CELF4: variants seen among roughly 807,000 people sequenced by gnomAD.
CELF4 encodes the protein CUG-BP- and ETR-3-like factor 4.
CELF4 carries 18 observed loss-of-function variants against 59.9 expected under a neutral mutation model. That is an observed-to-expected ratio of 0.30 (90% CI 0.21 to 0.45). The LOEUF is 0.45. CELF4 is among the 20% of genes least tolerant of loss of function. The pLI, the probability that CELF4 is intolerant of heterozygous loss-of-function variation, is 1.00. For synonymous variants in CELF4, 261 were observed against 267.1 expected, an observed-to-expected ratio of 0.98 and a Z score of 0.22; for missense variants, 456 against 689.0, an observed-to-expected ratio of 0.66 and a Z score of 3.79.
At chr18:37,473,889 C>T (rs906438972) in intron 2 of CELF4, 2 of 152,294 alleles carry the variant, frequency 1.3e-5, no homozygotes, top group African/African-American at 4.8e-5. Context: ...TATCCTCTTT[C>T]CCAGACTTCC....
At chr18:37,323,888 C>T (rs143001138) in intron 2 of CELF4, among the ~76,000 whole-genome samples, 347 of 152,284 alleles carry the variant, frequency 2.3e-3, no homozygotes, top group African/African-American at 7.6e-3. Flanking sequence ...ACCAACACAA[C>T]GGCCTTTAGC....
intron 2 of CELF4, among the ~76,000 whole-genome samples, chr18:37,394,192 A>C (rs1379290304): frequency 1.3e-5 from 2 of 152,058 alleles, no homozygotes; most frequent in African/African-American, 4.8e-5. Flanking sequence ...ATGGCCAGAG[A>C]GATGGCTCGG....
intron 1 of CELF4, among the ~76,000 whole-genome samples, chr18:37,539,856 T>C (rs2099976529): frequency 1.3e-5 from 2 of 152,222 alleles, no homozygotes; most frequent in Non-Finnish European, 2.9e-5. Context: ...AGCTACCAAA[T>C]TGGTCATGCT....
intron 2 of CELF4, among the ~76,000 whole-genome samples, chr18:37,352,255 G>A (rs1181499986): frequency 6.6e-6 from 1 of 152,180 alleles, no homozygotes; most frequent in Non-Finnish European, 1.5e-5. Context: ...CCAAGCAAGG[G>A]GACTATGATG....
At chr18:37,432,619 C>A (rs2099673532) in intron 2 of CELF4, among the ~76,000 whole-genome samples, 1 of 152,186 alleles carries the variant, frequency 6.6e-6, no homozygotes, top group African/African-American at 2.4e-5. Context: ...CATATTCTCA[C>A]TCATGTGGTT....
intron 2 of CELF4, among the ~76,000 whole-genome samples, chr18:37,384,319 T>C (rs963065347): frequency 6.6e-6 from 1 of 152,214 alleles, no homozygotes; most frequent in East Asian, 1.9e-4. Context: ...AGTCGGGTTG[T>C]GCTAATTTGC....
chr18:37,395,497 G>T (rs1389658800), intron 2 of CELF4, among the ~76,000 whole-genome samples: 7 of 152,200 alleles, frequency 4.6e-5, no homozygotes, highest in African/African-American at 1.7e-4. Context: ...GGGAACCACA[G>T]TATCTTGGTG....
chr18:37,557,997 C>CT (rs34181233), intron 1 of CELF4, among the ~76,000 whole-genome samples: 27,186 of 100,668 alleles, frequency 0.27, 4,751 homozygotes, highest in South Asian at 0.42. Context: ...ATCCCTTTTA[C>CT]TTTTTTTTTT....
At chr18:37,337,936 G>A (rs922477345) in intron 2 of CELF4, among the ~76,000 whole-genome samples, 4 of 152,186 alleles carry the variant, frequency 2.6e-5, no homozygotes, top group African/African-American at 9.7e-5. Flanking sequence ...CCCCATGTTT[G>A]CAACAAACAT....
At chr18:37,517,836 C>T (rs751049000) in intron 1 of CELF4, among the ~76,000 whole-genome samples, 3 of 152,164 alleles carry the variant, frequency 2.0e-5, no homozygotes, top group Non-Finnish European at 2.9e-5. Context: ...ACCTTCCATC[C>T]TAGGTTTAGG....
intron 2 of CELF4, among the ~76,000 whole-genome samples, chr18:37,368,611 C>G (rs2098818626): frequency 6.6e-6 from 1 of 152,254 alleles, no homozygotes. Context: ...TCCTCCTTCT[C>G]TGTGTTGGCA....
At chr18:37,377,097 T>G in intron 2 of CELF4, among the ~76,000 whole-genome samples, 1 of 148,340 alleles carries the variant, frequency 6.7e-6, no homozygotes, top group African/African-American at 2.5e-5. Flanking sequence ...AAGACAAAAG[T>G]GGAAAGAAAT....
chr18:37,325,754 CT>C (rs1239325389), intron 2 of CELF4, among the ~76,000 whole-genome samples: 14 of 152,186 alleles, frequency 9.2e-5, no homozygotes, highest in Non-Finnish European at 4.4e-5. Flanking sequence ...ATGGGGTGCT[CT>C]AAACAGATTG....
At chr18:37,485,954 C>T (rs1603642426) in intron 1 of CELF4, 1 of 187,454 alleles carries the variant, frequency 5.3e-6, no homozygotes, top group Non-Finnish European at 1.1e-5. Flanking sequence ...CCTACGCTTC[C>T]TAGAAGGGGC....
chr18:37,309,902 A>G (rs946143240), intron 3 of CELF4, among the ~76,000 whole-genome samples: 2 of 150,100 alleles, frequency 1.3e-5, no homozygotes, highest in African/African-American at 4.9e-5. Flanking sequence ...CTCTCAGTAG[A>G]CTTGTCATTC....
chr18:37,279,980 G>T (rs1278352680), intron 3 of CELF4, among the ~76,000 whole-genome samples: 1 of 152,200 alleles, frequency 6.6e-6, no homozygotes, highest in African/African-American at 2.4e-5. Flanking sequence ...GTGCCTGCAG[G>T]TGTGAGGGAG....
At chr18:37,499,612 G>A (rs1006007813) in intron 1 of CELF4, among the ~76,000 whole-genome samples, 1 of 152,226 alleles carries the variant, frequency 6.6e-6, no homozygotes, top group African/African-American at 2.4e-5. Flanking sequence ...GCTCTGCAAT[G>A]GCAGGGCTGG....
intron 1 of CELF4, among the ~76,000 whole-genome samples, chr18:37,505,034 C>A (rs73947259): frequency 0.016 from 2,380 of 152,302 alleles, 60 homozygotes; most frequent in African/African-American, 0.053. Context: ...CTGCAGGACA[C>A]CAAGGCTGAG....
chr18:37,280,513 C>A (rs567803589), intron 3 of CELF4, among the ~76,000 whole-genome samples: 24 of 152,234 alleles, frequency 1.6e-4, no homozygotes, highest in Non-Finnish European at 2.9e-5. Flanking sequence ...AGAACAAAGG[C>A]CTGATAGATA....
Sources: gnomAD v4.1 joint callset for allele counts (sites outside exome capture counted in the v4.1 genomes callset) on GRCh38, gnomAD v4.1.1 for gene constraint, MANE v1.5 for transcripts, NCBI Gene and HGNC (gene_info 2026-07-23, HGNC 2026-07-21) for gene names.